Variants in PHYHIP observed in about 807,000 individuals in gnomAD.
PHYHIP encodes the protein phytanoyl-CoA hydroxylase-interacting protein.
PHYHIP carries 7 observed loss-of-function variants against 26.1 expected under a neutral mutation model. The observed-to-expected ratio is 0.27, with a 90% CI of 0.15 to 0.50. The LOEUF is 0.50. Ranked by LOEUF, PHYHIP falls within the 20% of genes least tolerant of loss-of-function variation. The pLI, the probability that PHYHIP is intolerant of heterozygous loss-of-function variation, is 0.98. For synonymous variants in PHYHIP, 206 were observed against 183.4 expected, an observed-to-expected ratio of 1.12 and a Z score of -1.00; for missense variants, 232 against 454.7, an observed-to-expected ratio of 0.51 and a Z score of 4.45.
At chr8:22,229,141 T>G (rs1054484325) in intron 1 of PHYHIP, among the ~76,000 whole-genome samples, 1 of 152,180 alleles carries the variant, frequency 6.6e-6, no homozygotes, top group Non-Finnish European at 1.5e-5. Flanking sequence ...ACCTTGGAAG[T>G]AGGCACACAC....
At chr8:22,228,580 G>T in intron 1 of PHYHIP, 194 bp from the exon 2 acceptor site, 1 of 497,776 alleles carries the variant, frequency 2.0e-6, no homozygotes, top group South Asian at 2.8e-5. Flanking sequence ...GCCTGCCCGG[G>T]GGGCTCTTTG....
chr8:22,226,509 G>C (rs1039153453), intron 3 of PHYHIP, among the ~76,000 whole-genome samples: 1 of 152,148 alleles, frequency 6.6e-6, no homozygotes. Context: ...CAAAATGGTC[G>C]AGACGGCAAA....
intron 1 of PHYHIP, among the ~76,000 whole-genome samples, chr8:22,230,209 A>G (rs1162699405): frequency 2.0e-5 from 3 of 151,978 alleles, no homozygotes; most frequent in Non-Finnish European, 4.4e-5. Context: ...CCTCACACAC[A>G]CACACGCACA....
At position 22,226,942 on chromosome 8, in the gene PHYHIP, C is replaced by T. The variant is rs373018765; in HGVS notation, c.249G>A (p.Glu83=). Reference sequence around the variant, plus strand: ...CTGCCGTCTGCACGGCCACACTGTACTCCGTGCGGGGGCTCAGGAACCAGT... The same window carrying T: ...CTGCCGTCTGCACGGCCACACTGTATTCCGTGCGGGGGCTCAGGAACCAGT... ...RGHWFLSPRT[E]YSVAVQTAVK... The change falls in exon 3 of 5, where the codon GAG becomes GAA. Residue 83 remains glutamate, a synonymous_variant. Transcript: ENST00000454243. The T allele has an allele frequency of 1.6e-5, 26 of 1,613,912 alleles. No individual in the cohort carries two copies. The African/African-American group carries it at 3.1e-4, about 19-fold the overall frequency.
chr8:22,222,891 A>T (rs1829659731), intron 4 of PHYHIP, among the ~76,000 whole-genome samples: 1 of 152,152 alleles, frequency 6.6e-6, no homozygotes, highest in Non-Finnish European at 1.5e-5. Flanking sequence ...CTGGGGTCTC[A>T]CTATGTTGCT....
At chr8:22,231,477 C>T (rs937713371) in intron 1 of PHYHIP, among the ~76,000 whole-genome samples, 5 of 152,230 alleles carry the variant, frequency 3.3e-5, no homozygotes, top group Non-Finnish European at 4.4e-5. Flanking sequence ...ACACACACGC[C>T]GCGCACACCG....
chr8:22,227,852 G>A (rs558055126), intron 2 of PHYHIP, among the ~76,000 whole-genome samples: 1 of 152,364 alleles, frequency 6.6e-6, no homozygotes, highest in South Asian at 2.1e-4. Context: ...GGCGAAGCCT[G>A]CGGCCCCACC....
At position 22,221,275 on chromosome 8, in the gene PHYHIP, A is replaced by G; in HGVS notation, c.*78T>C. ...GGGAGCAGGGGGGCAGGAGAGAGAA[A>G]GCCAGCTCCCTGAACCTGGGCTACC... is the stretch of plus-strand genomic sequence containing the variant. On this transcript the variant is annotated 3_prime_UTR_variant, in exon 5 of 5. Coordinates refer to ENST00000454243, the MANE Select transcript of PHYHIP (RefSeq NM_014759.5). This position sits in a 1 kb window ranked among gnomAD's most constrained non-coding sequence, Gnocchi z 7.9. The G allele has an allele frequency of 7.3e-7, 1 of 1,368,220 alleles. No individual in the cohort carries two copies. The highest frequency in any genetic ancestry group is 9.8e-7 in the Non-Finnish European group (1 of 1,017,406). 84.8% of individuals were successfully genotyped at this position (1,368,220 alleles called of 1,614,324 possible).
chr8:22,221,865 G>A lies in PHYHIP; in HGVS notation c.481C>T (p.Gln161Ter). ...HARTHCGNML[Q>*]PYLKDNSGSH... ...CCACTGTTGTCCTTCAGGTAAGGCTGCAGCATGTTCCCGCAGTGGGTCCTG... is the reference window on the plus strand; with the variant it reads ...CCACTGTTGTCCTTCAGGTAAGGCTACAGCATGTTCCCGCAGTGGGTCCTG... The change falls in exon 5 of 5, where the codon CAG becomes TAG. Residue 161 changes from glutamine (Q) to a stop codon, truncating the protein, a stop_gained. Coordinates refer to ENST00000454243, the MANE Select transcript of PHYHIP (RefSeq NM_014759.5). LOFTEE classifies it high-confidence loss of function. This position sits in a 1 kb window ranked among gnomAD's most constrained non-coding sequence, Gnocchi z 7.9. 6.5e-7 allele frequency: 1 copy of A among 1,542,988 alleles called. No homozygotes were observed. Among genetic ancestry groups the A allele is most frequent in the Non-Finnish European group, 8.8e-7 (1 of 1,142,028 alleles).
intron 3 of PHYHIP, 46 bp downstream of exon 3, chr8:22,226,805 C>G (rs1304745695): frequency 3.2e-6 from 5 of 1,555,078 alleles, no homozygotes; most frequent in Non-Finnish European, 4.4e-6. Context: ...ACAGCAAAGC[C>G]CGACGTGCCA....
Position 22,221,712 on chromosome 8 carries a change from G to C in PHYHIP, c.634C>G (p.Arg212Gly), listed in dbSNP as rs1003276981. Residue 212 changes from arginine (R) to glycine (G), a missense_variant, in exon 5 of 5, where the codon CGC becomes GGC. Coordinates refer to ENST00000454243, the MANE Select transcript of PHYHIP (RefSeq NM_014759.5). The surrounding 1 kb of genome is among the most constrained non-coding windows in gnomAD (Gnocchi z 7.9). The stretch of plus-strand genomic sequence containing the variant: ...AGGTTGGTGCTGGGATTGAAGAGGC[G>C]CTGAGCTGGGATCTGGAAGCGCCAG... ...GRWRFQIPAQ[R>G]LFNPSTNLYF... The C allele has an allele frequency of 3.7e-6, 6 of 1,613,090 alleles. No individual in the cohort carries two copies. Among genetic ancestry groups the C allele is most frequent in the Non-Finnish European group, 5.1e-6 (6 of 1,179,744 alleles).
In PHYHIP at chr8:22,228,276, C is replaced by T. The variant is rs773711424; in HGVS notation, c.82G>A (p.Asp28Asn). 57 of 1,612,486 alleles carry T rather than the reference C, an allele frequency of 3.5e-5. 1 individual carries two copies. Among genetic ancestry groups the T allele is most frequent in the Non-Finnish European group, 4.8e-5 (57 of 1,179,118 alleles). The change falls in exon 2 of 5, where the codon GAC becomes AAC. Residue 28 changes from aspartate to asparagine, a missense_variant. Asp to Asn is a conservative substitution (Grantham distance 23, BLOSUM62 1). Coordinates refer to ENST00000454243, the MANE Select transcript of PHYHIP (RefSeq NM_014759.5). The stretch of plus-strand genomic sequence containing the variant: ...TGGGTGACCCTCTCCAGGTCACTGT[C>T]CTCCATGGCCCAGGAGATGCGGAAG... ...DSFRISWAME[D>N]SDLERVTHYF...
intron 2 of PHYHIP, 78 bp downstream of exon 2, chr8:22,228,115 C>T (rs1280997077): frequency 1.7e-6 from 2 of 1,203,204 alleles, no homozygotes; most frequent in Admixed American, 1.9e-5. Flanking sequence ...TCCAAGCCAT[C>T]ACTTCCAGGT....
intron 4 of PHYHIP, among the ~76,000 whole-genome samples, chr8:22,223,352 C>T (rs2131922082): frequency 7.1e-6 from 1 of 141,352 alleles, no homozygotes; most frequent in Admixed American, 7.2e-5. Context: ...ACAGAGAAGA[C>T]GCCATCTCAA....
intron 4 of PHYHIP, among the ~76,000 whole-genome samples, 186 bp from the exon 5 acceptor site, chr8:22,222,073 G>C (rs951503749): frequency 2.6e-5 from 4 of 152,142 alleles, no homozygotes; most frequent in African/African-American, 9.7e-5. Context: ...GCCCTGGAGA[G>C]GGATTCAACC....
chr8:22,227,264 G>C (rs1267203858), intron 2 of PHYHIP, among the ~76,000 whole-genome samples: 2 of 152,198 alleles, frequency 1.3e-5, no homozygotes, highest in Non-Finnish European at 2.9e-5. Context: ...GGAACGGAGG[G>C]GAAAAGCCAC....
At chr8:22,224,134 G>C in intron 4 of PHYHIP, 92 bp downstream of exon 4, 1 of 780,372 alleles carries the variant, frequency 1.3e-6, no homozygotes, top group Non-Finnish European at 2.3e-6. Flanking sequence ...AGCCACGAGG[G>C]TGGGGGTGAC....
Position 22,221,758 on chromosome 8 carries a change from C to T in PHYHIP, c.588G>A (p.Pro196=), listed in dbSNP as rs370065740. ...CNTEFNTGQP[P]QDSPYGRWRF... The stretch of plus-strand genomic sequence containing the variant: ...GCCAGCGGCCGTAGGGGGAGTCCTG[C>T]GGGGGCTGGCCCGTGTTGAACTCCG... The change falls in exon 5 of 5, where the codon CCG becomes CCA. Residue 196 remains proline (P), a synonymous_variant. Coordinates refer to ENST00000454243, the MANE Select transcript of PHYHIP (RefSeq NM_014759.5). This position sits in a 1 kb window ranked among gnomAD's most constrained non-coding sequence, Gnocchi z 7.9. 2.0e-4 allele frequency: 315 copies of T among 1,612,780 alleles called. No homozygotes were observed. Among genetic ancestry groups the T allele is most frequent in the Non-Finnish European group, 2.4e-4 (287 of 1,179,702 alleles).
At chr8:22,229,101 G>A (rs1829817237) in intron 1 of PHYHIP, among the ~76,000 whole-genome samples, 1 of 152,196 alleles carries the variant, frequency 6.6e-6, no homozygotes, top group South Asian at 2.1e-4. Context: ...GGCCGGCCAT[G>A]TGCTCATAAT....
Sources: gnomAD v4.1 joint callset for allele counts (sites outside exome capture counted in the v4.1 genomes callset) on GRCh38, gnomAD v4.1.1 for gene constraint, Gnocchi (gnomAD v3.1) non-coding constraint, MANE v1.5 for transcripts, NCBI Gene and HGNC (gene_info 2026-07-23, HGNC 2026-07-21) for gene names.